The following MTUS2 variants were observed in gnomAD, a reference collection of about 807,000 sequenced individuals.
MTUS2 encodes microtubule associated scaffold protein 2.
In MTUS2, 40 loss-of-function variants were observed where a neutral mutation model predicts 114.1. The ratio of observed to expected loss-of-function variants is 0.35; its 90% CI spans 0.27 to 0.46. MTUS2 has a LOEUF of 0.46. MTUS2 is among the 20% of genes least tolerant of loss of function. MTUS2 has a pLI of 1.00. For missense variants in MTUS2, 1,679 were observed against 1,705.4 expected, an observed-to-expected ratio of 0.98 and a Z score of 0.27; for synonymous variants, 688 against 672.0, an observed-to-expected ratio of 1.02 and a Z score of -0.37.
chr13:29,253,673 C>T (rs1193700354), intron 5 of MTUS2, among the ~76,000 whole-genome samples: 1 of 152,088 alleles, frequency 6.6e-6, no homozygotes, highest in African/African-American at 2.4e-5. Context: ...CGTATTAGTC[C>T]ATTTTCATAC....
At chr13:29,076,537 CTT>C (rs1462842283) in intron 4 of MTUS2, among the ~76,000 whole-genome samples, 1 of 152,136 alleles carries the variant, frequency 6.6e-6, no homozygotes, top group African/African-American at 2.4e-5. Flanking sequence ...ATGGAGAACC[CTT>C]TTCTGAGATG....
intron 2 of MTUS2, among the ~76,000 whole-genome samples, chr13:28,913,121 T>C (rs1033899666): frequency 2.6e-5 from 4 of 152,166 alleles, no homozygotes; most frequent in Admixed American, 1.3e-4. Flanking sequence ...TCTTGCCTGA[T>C]TCCCCTGGCC....
chr13:29,033,922 C>T lies in MTUS2; in HGVS notation c.2243C>T (p.Pro748Leu), dbSNP rs760231453. The T allele has an allele frequency of 2.5e-6, 4 of 1,613,944 alleles. No homozygotes were observed. Among genetic ancestry groups the T allele is most frequent in the Non-Finnish European group, 3.4e-6 (4 of 1,179,854 alleles). ...DHPGKEEFCS[P>L]PYAHYEVPPT... ...CCTGGAAAAGAAGAGTTTTGTTCTC[C>T]TCCCTATGCTCATTATGAAGTCCCT... The change falls in exon 4 of 16, where the codon CCT (proline) becomes CTT (leucine). Residue 748 changes from proline (P) to leucine (L), a missense_variant. Around this residue, in one of 3 missense-constraint regions of MTUS2, gnomAD observed 822 missense variants for 899.7 expected, o/e 0.91. Coordinates refer to ENST00000612955, the MANE Select transcript of MTUS2 (RefSeq NM_001033602.4).
Position 29,058,804 on chromosome 13 carries a change from A to G in MTUS2, c.2446+24679A>G, listed in dbSNP as rs182325044. Reference sequence around the variant, plus strand: ...GTTCAATTCCCAACTATGAGTGAGAACATGCGGTGTTTGGTTTTTTGTCCT... The same window carrying G: ...GTTCAATTCCCAACTATGAGTGAGAGCATGCGGTGTTTGGTTTTTTGTCCT... On this transcript the variant is annotated intron_variant, in intron 4 of 15. Coordinates refer to ENST00000612955, the MANE Select transcript of MTUS2 (RefSeq NM_001033602.4). Among the ~76,000 whole-genome samples, 4 of 149,434 alleles carry G rather than the reference A, an allele frequency of 2.7e-5. No individual in the cohort carries two copies. The Admixed American group carries it at 2.7e-4, about 10-fold the overall frequency.
At chr13:28,984,768 A>T (rs1186866217) in intron 2 of MTUS2, among the ~76,000 whole-genome samples, 1 of 152,252 alleles carries the variant, frequency 6.6e-6, no homozygotes, top group East Asian at 1.9e-4. Context: ...ATAACATGAC[A>T]TTCCTAAGGA....
intron 4 of MTUS2, among the ~76,000 whole-genome samples, chr13:29,080,296 CA>C (rs1889384667): frequency 6.6e-6 from 1 of 151,908 alleles, no homozygotes; most frequent in Non-Finnish European, 1.5e-5. Flanking sequence ...AAAATTAATA[CA>C]GAGGAAAAAA....
chr13:29,116,069 G>A (rs949681037), intron 5 of MTUS2, among the ~76,000 whole-genome samples: 1 of 152,172 alleles, frequency 6.6e-6, no homozygotes, highest in African/African-American at 2.4e-5. Flanking sequence ...AGCATACCGA[G>A]ACATAAGTAA....
At chr13:28,973,708 T>C (rs1883959728) in intron 2 of MTUS2, among the ~76,000 whole-genome samples, 2 of 152,326 alleles carry the variant, frequency 1.3e-5, no homozygotes, top group South Asian at 4.1e-4. Flanking sequence ...TATTTGAAGG[T>C]TTACATTTTG....
intron 2 of MTUS2, among the ~76,000 whole-genome samples, chr13:28,843,885 T>G (rs955505607): frequency 2.0e-5 from 3 of 152,230 alleles, no homozygotes; most frequent in African/African-American, 7.2e-5. Flanking sequence ...GCTTTGCTTC[T>G]GCTATTAGAA....
chr13:29,393,812 T>C (rs1873699484), intron 8 of MTUS2, among the ~76,000 whole-genome samples: 2 of 152,010 alleles, frequency 1.3e-5, no homozygotes, highest in African/African-American at 4.8e-5. Flanking sequence ...AAGATGAACA[T>C]TGGTTGGGTC....
At chr13:29,313,287 A>G (rs1899850290) in intron 6 of MTUS2, among the ~76,000 whole-genome samples, 1 of 152,236 alleles carries the variant, frequency 6.6e-6, no homozygotes, top group Admixed American at 6.5e-5. Flanking sequence ...ACAGACAACA[A>G]GATGTATATT....
chr13:29,252,765 C>A (rs1048259230), intron 5 of MTUS2, among the ~76,000 whole-genome samples: 1 of 152,120 alleles, frequency 6.6e-6, no homozygotes, highest in Non-Finnish European at 1.5e-5. Flanking sequence ...ATAAGTCTCA[C>A]GAGATCTGAT....
intron 8 of MTUS2, among the ~76,000 whole-genome samples, chr13:29,438,659 G>A (rs982047254): frequency 2.0e-5 from 3 of 152,076 alleles, no homozygotes; most frequent in Non-Finnish European, 2.9e-5. Context: ...ATGAATTTTA[G>A]GGGGATTTAG....
At chr13:29,436,326 A>G (rs1300239515) in intron 8 of MTUS2, among the ~76,000 whole-genome samples, 2 of 152,152 alleles carry the variant, frequency 1.3e-5, no homozygotes, top group Non-Finnish European at 2.9e-5. Flanking sequence ...TGGGTTGTGC[A>G]GGGGCCAGCC....
intron 2 of MTUS2, among the ~76,000 whole-genome samples, chr13:28,975,385 T>C (rs1884042401): frequency 1.3e-5 from 2 of 152,256 alleles, no homozygotes; most frequent in African/African-American, 4.8e-5. Context: ...TGAAGTCCTG[T>C]TAGAGTTCTC....
chr13:29,026,217 G>A lies in MTUS2; in HGVS notation c.1519G>A (p.Ala507Thr), dbSNP rs188527175. 2.5e-6 allele frequency: 4 copies of A among 1,614,024 alleles called. No homozygotes were observed. In the Admixed American group the frequency reaches 6.7e-5, roughly 27 times the overall value. ...AAGCAAAGAGGTCACCACATCTGTTGCTGAAAACAGGAACCTTCTAGAGAA... is the reference window on the plus strand; with the variant it reads ...AAGCAAAGAGGTCACCACATCTGTTACTGAAAACAGGAACCTTCTAGAGAA... ...RESKEVTTSV[A>T]ENRNLLENAD... is the part of the protein sequence containing the mutation. Residue 507 changes from alanine to threonine, a missense_variant, in exon 3 of 16, where the codon GCT (alanine) becomes ACT (threonine). Around this residue, in one of 3 missense-constraint regions of MTUS2, gnomAD observed 843 missense variants for 770.8 expected, o/e 1.09. Transcript: ENST00000612955.
chr13:29,106,186 G>A (rs1185929996), intron 5 of MTUS2, among the ~76,000 whole-genome samples: 1 of 152,140 alleles, frequency 6.6e-6, no homozygotes, highest in Non-Finnish European at 1.5e-5. Context: ...TTTCAAATGA[G>A]CCATCAAGTA....
chr13:29,159,575 C>T (rs1279411614), intron 5 of MTUS2, among the ~76,000 whole-genome samples: 2 of 151,630 alleles, frequency 1.3e-5, no homozygotes, highest in African/African-American at 4.9e-5. Context: ...GAGCCACAGA[C>T]TAATAGAAGA....
intron 2 of MTUS2, among the ~76,000 whole-genome samples, chr13:28,957,703 C>A (rs1423099640): frequency 6.6e-6 from 1 of 152,252 alleles, no homozygotes; most frequent in Non-Finnish European, 1.5e-5. Context: ...GTCCTGGGAC[C>A]AATGCCCTGT....
Sources: allele counts gnomAD v4.1 joint callset (sites outside exome capture counted in the v4.1 genomes callset), GRCh38; gene constraint gnomAD v4.1.1; regional missense constraint gnomAD v4.1.1; transcripts MANE v1.5; gene names NCBI Gene and HGNC (gene_info 2026-07-23, HGNC 2026-07-21).